The following NDUFA10 variants were observed in gnomAD, a reference collection of about 807,000 sequenced individuals.
The protein encoded by NDUFA10 is NADH dehydrogenase [ubiquinone] 1 alpha subcomplex subunit 10, mitochondrial.
NDUFA10 carries 40 observed loss-of-function variants against 47.8 expected under a neutral mutation model. The observed-to-expected ratio is 0.84, with a 90% CI of 0.65 to 1.09. The LOEUF (loss-of-function observed/expected upper bound fraction) is 1.09, where lower values mean the gene tolerates loss of function less well. NDUFA10 is among the 50% of genes least tolerant of loss of function. The pLI, the probability that NDUFA10 is intolerant of heterozygous loss-of-function variation, is 0.00. For missense variants in NDUFA10, 413 were observed against 451.1 expected, an observed-to-expected ratio of 0.92 and a Z score of 0.76; for synonymous variants, 183 against 172.2, an observed-to-expected ratio of 1.06 and a Z score of -0.49.
chr2:240,004,892 CTATT>C (rs1335655423), intron 8 of NDUFA10, among the ~76,000 whole-genome samples: 1 of 152,224 alleles, frequency 6.6e-6, no homozygotes, highest in Non-Finnish European at 1.5e-5. Flanking sequence ...GCAGTTTTAT[CTATT>C]TGTTTACTCT....
In NDUFA10 at chr2:239,959,493, G is replaced by A; in HGVS notation, c.*1625C>T. On this transcript the variant is annotated 3_prime_UTR_variant, in exon 10 of 10. Coordinates refer to ENST00000252711, the MANE Select transcript of NDUFA10 (RefSeq NM_004544.4). ...AAAGACACTCTGTGACTGGCCCAAT[G>A]CCCAGCTGTGCTTTCATTTCATGAT... 1.0e-6 allele frequency: 1 copy of A among 985,484 alleles called. No individual in the cohort carries two copies. Among genetic ancestry groups the A allele is most frequent in the Non-Finnish European group, 1.2e-6 (1 of 829,948 alleles). 61.0% of individuals were successfully genotyped at this position (985,484 alleles called of 1,614,324 possible).
chr2:240,003,330 G>C (rs1696801086), intron 8 of NDUFA10, among the ~76,000 whole-genome samples: 1 of 152,196 alleles, frequency 6.6e-6, no homozygotes, highest in Non-Finnish European at 1.5e-5. Flanking sequence ...GCCAAGAACA[G>C]AGCTGCCATC....
At chr2:239,949,426 C>T (rs144467747) in intron 4 of NDUFA10, among the ~76,000 whole-genome samples, 2 of 152,164 alleles carry the variant, frequency 1.3e-5, no homozygotes, top group Admixed American at 1.3e-4. Context: ...CACTCCCCAG[C>T]GTGGGCAGGC....
chr2:239,999,264 G>C (rs1274830955), intron 8 of NDUFA10, among the ~76,000 whole-genome samples: 1 of 152,214 alleles, frequency 6.6e-6, no homozygotes, highest in African/African-American at 2.4e-5. Context: ...ATTCTGGACA[G>C]GGAACAACGG....
intron 9 of NDUFA10, among the ~76,000 whole-genome samples, chr2:239,979,582 G>A (rs1695687249): frequency 8.0e-6 from 1 of 124,706 alleles, no homozygotes; most frequent in South Asian, 2.4e-4. Context: ...TGTTAAGTGG[G>A]GGCTCTCGGG....
At chr2:240,020,706 G>A (rs927026417) in intron 3 of NDUFA10, among the ~76,000 whole-genome samples, 2 of 152,118 alleles carry the variant, frequency 1.3e-5, no homozygotes, top group Non-Finnish European at 2.9e-5. Context: ...GACCCTGTGT[G>A]TTCTGCCTCC....
At chr2:239,923,562 A>G (rs780604818) in intron 4 of NDUFA10, among the ~76,000 whole-genome samples, 1 of 152,168 alleles carries the variant, frequency 6.6e-6, no homozygotes, top group Non-Finnish European at 1.5e-5. Context: ...AAAAGTAAAT[A>G]ATACAGAAAA....
intron 4 of NDUFA10, among the ~76,000 whole-genome samples, chr2:239,898,525 G>A (rs1050460912): frequency 5.3e-5 from 8 of 152,238 alleles, no homozygotes; most frequent in Non-Finnish European, 4.4e-5. Context: ...GTTGAACCCT[G>A]GGGCTTCCAA....
Position 239,906,496 on chromosome 2 carries a change from A to C in NDUFA10, c.295-11182T>G, listed in dbSNP as rs1244642351. On this transcript the variant is annotated intron_variant, in intron 4 of 5. Coordinates refer to the NDUFA10 transcript ENST00000419408. The surrounding 1 kb of genome is among the most constrained non-coding windows in gnomAD (Gnocchi z 4.3). ...CCACGCCAATTCATGGAGTCCCCGC[A>C]CTTATAGTGCCTCCCATTGCTAAGG... Among the ~76,000 whole-genome samples the C allele has an allele frequency of 6.6e-6, 1 of 152,168 alleles. No individual in the cohort carries two copies. Among genetic ancestry groups the C allele is most frequent in the East Asian group, 1.9e-4 (1 of 5,192 alleles).
intron 4 of NDUFA10, among the ~76,000 whole-genome samples, chr2:239,918,809 G>A (rs1310417313): frequency 2.6e-5 from 4 of 152,164 alleles, no homozygotes; most frequent in East Asian, 3.9e-4. Flanking sequence ...CGCTCTCCAC[G>A]CTGAGGGCTT....
At chr2:239,994,169 C>T (rs989317313) in intron 8 of NDUFA10, among the ~76,000 whole-genome samples, 2 of 152,118 alleles carry the variant, frequency 1.3e-5, no homozygotes, top group African/African-American at 2.4e-5. Context: ...CAGCAAAACA[C>T]GGTTCAGCAG....
intron 9 of NDUFA10, among the ~76,000 whole-genome samples, chr2:239,985,693 T>A (rs917042362): frequency 6.6e-6 from 1 of 152,138 alleles, no homozygotes; most frequent in Non-Finnish European, 1.5e-5. Flanking sequence ...GCAGATCACC[T>A]GAGATCAGGA....
At chr2:239,986,749 C>T (rs1042464413) in intron 9 of NDUFA10, among the ~76,000 whole-genome samples, 2 of 152,158 alleles carry the variant, frequency 1.3e-5, no homozygotes, top group Non-Finnish European at 2.9e-5. Context: ...TCAATGGATG[C>T]TAAAACTACT....
At chr2:239,972,458 A>C (rs1404406392) in intron 9 of NDUFA10, among the ~76,000 whole-genome samples, 1 of 152,070 alleles carries the variant, frequency 6.6e-6, no homozygotes, top group Non-Finnish European at 1.5e-5. Flanking sequence ...CCTATTTTCC[A>C]TTATAACATA....
intron 5 of NDUFA10, chr2:240,012,591 G>C (rs903671552): frequency 6.6e-6 from 1 of 152,162 alleles, no homozygotes; most frequent in Admixed American, 6.5e-5. Flanking sequence ...GCAACAACTT[G>C]GTAAATTTAC....
At chr2:239,988,178 T>C (rs1163298867) in intron 9 of NDUFA10, among the ~76,000 whole-genome samples, 2 of 151,904 alleles carry the variant, frequency 1.3e-5, no homozygotes, top group African/African-American at 4.8e-5. Context: ...CACAGAAAGC[T>C]TGAAATTAAA....
intron 9 of NDUFA10, among the ~76,000 whole-genome samples, chr2:239,983,246 GA>G (rs1695856090): frequency 6.6e-6 from 1 of 152,126 alleles, no homozygotes; most frequent in Non-Finnish European, 1.5e-5. Flanking sequence ...CCTTTTGTGA[GA>G]AGCCACAAAC....
At chr2:239,975,387 C>A (rs1695479177) in intron 9 of NDUFA10, among the ~76,000 whole-genome samples, 1 of 152,196 alleles carries the variant, frequency 6.6e-6, no homozygotes, top group South Asian at 2.1e-4. Flanking sequence ...CTAATACAAC[C>A]CCCACACCTT....
intron 9 of NDUFA10, among the ~76,000 whole-genome samples, chr2:239,968,380 GC>G (rs1274015816): frequency 6.6e-6 from 1 of 152,180 alleles, no homozygotes; most frequent in Non-Finnish European, 1.5e-5. Flanking sequence ...ATGGAAAAAT[GC>G]CCCCTCCCGA....
Sources: gnomAD v4.1 joint callset for allele counts (sites outside exome capture counted in the v4.1 genomes callset) on GRCh38, gnomAD v4.1.1 for gene constraint, Gnocchi (gnomAD v3.1) non-coding constraint, MANE v1.5 for transcripts, NCBI Gene and HGNC (gene_info 2026-07-23, HGNC 2026-07-21) for gene names.